FA2H: variants seen among roughly 807,000 people sequenced by gnomAD.
The protein encoded by FA2H is fatty acid alpha-hydroxylase.
In FA2H, 22 loss-of-function variants were observed where a neutral mutation model predicts 44.9. The observed-to-expected ratio is 0.49, with a 90% CI of 0.35 to 0.70. The LOEUF (loss-of-function observed/expected upper bound fraction) is 0.70, where lower values mean the gene tolerates loss of function less well. Ranked by LOEUF, FA2H falls within the 30% of genes least tolerant of loss-of-function variation. The pLI is 0.01. For missense variants in FA2H, 501 were observed against 504.9 expected (o/e 0.99, Z 0.07); for synonymous variants, 243 against 213.2 (o/e 1.14, Z -1.22).
In FA2H at chr16:74,774,620, C is replaced by A; in HGVS notation, c.136G>T (p.Gly46Cys). The change falls in exon 1 of 7, where the codon GGC becomes TGC. Residue 46 changes from glycine (G) to cysteine (C), a missense_variant. Coordinates refer to ENST00000219368, the MANE Select transcript of FA2H (RefSeq NM_024306.5). ...GCCCTGGCCCGCAGCAGCTGCTCGC[C>A]CCCCGGGTGGTGCCGCACGAAGCTG... ...LSSFVRHHPGGEQLLRARAGQ... is the reference protein window; with the variant it reads ...LSSFVRHHPGCEQLLRARAGQ... 6.6e-7 allele frequency: 1 copy of A among 1,517,164 alleles called. No individual in the cohort carries two copies. Among genetic ancestry groups the A allele is most frequent in the East Asian group, 2.7e-5 (1 of 37,450 alleles). 94.0% of individuals were successfully genotyped at this position (1,517,164 alleles called of 1,614,324 possible). A position where few individuals can be genotyped will look rare whatever the true frequency, so the allele number is the denominator to read the frequency against.
intron 5 of FA2H, 111 bp from the exon 6 acceptor site, chr16:74,716,710 T>C: frequency 7.9e-7 from 1 of 1,270,420 alleles, no homozygotes; most frequent in Non-Finnish European, 1.1e-6. Flanking sequence ...GACATTCCAC[T>C]GCGTAGGCTT....
intron 4 of FA2H, among the ~76,000 whole-genome samples, chr16:74,722,101 G>A (rs1210759436): frequency 6.6e-6 from 1 of 152,148 alleles, no homozygotes; most frequent in African/African-American, 2.4e-5. Context: ...GCCCTCAGCC[G>A]CCTCCTCCCA....
rs545499707 is a variant in FA2H at position 74,716,285 on chromosome 16, G to A, written c.1039+62C>T. On this transcript the variant is annotated intron_variant, in intron 6 of 6. Transcript: ENST00000219368. Reference sequence around the variant, plus strand: ...CCTTGCCGTTCCCAGGAGCTCGATGGTAGTTGGCAAATAAATCAATGAACA... The same window carrying A: ...CCTTGCCGTTCCCAGGAGCTCGATGATAGTTGGCAAATAAATCAATGAACA... 2.1e-5 allele frequency: 33 copies of A among 1,587,156 alleles called. No homozygotes were observed. The South Asian group carries it at 3.6e-4, about 18-fold the overall frequency.
chr16:74,727,845 A>G (rs967649073), intron 2 of FA2H, among the ~76,000 whole-genome samples: 23 of 152,242 alleles, frequency 1.5e-4, no homozygotes, highest in Admixed American at 1.2e-3. Flanking sequence ...TACATTTTGT[A>G]TCAGGAATGA....
At chr16:74,758,100 G>A (rs917179885) in intron 1 of FA2H, among the ~76,000 whole-genome samples, 11 of 150,446 alleles carry the variant, frequency 7.3e-5, no homozygotes, top group African/African-American at 2.7e-4. Flanking sequence ...AGGGACTAGA[G>A]TGAGAGGGAA....
chr16:74,725,437 A>C, intron 4 of FA2H, among the ~76,000 whole-genome samples: 1 of 152,142 alleles, frequency 6.6e-6, no homozygotes, highest in South Asian at 2.1e-4. Flanking sequence ...ACTTAAACCC[A>C]CAGTCATCCT....
chr16:74,757,405 G>C (rs1962630258), intron 1 of FA2H, among the ~76,000 whole-genome samples: 1 of 152,136 alleles, frequency 6.6e-6, no homozygotes, highest in East Asian at 1.9e-4. Flanking sequence ...GTTAAAATTG[G>C]TACAACTGTT....
chr16:74,718,946 G>T lies in FA2H; in HGVS notation c.786+42C>A, dbSNP rs768936756. 2.6e-5 allele frequency: 42 copies of T among 1,608,342 alleles called. No individual in the cohort carries two copies. The African/African-American group carries it at 4.5e-4, about 17-fold the overall frequency. On this transcript the variant is annotated intron_variant, in intron 5 of 6. Transcript: ENST00000219368. ...GCGGCTGGCTGCCGGGCCCTCTCGG[G>T]CTGCACATGCTAGGTCCGGGCTGGG...
chr16:74,713,156 T>G lies in FA2H; in HGVS notation c.*1034A>C, dbSNP rs1226500091. ...TTAAGTTTCAAGTAGTAATGGTTTG[T>G]GGGTAAGAAAGGAACCAAAAACAGG... is the stretch of plus-strand genomic sequence containing the variant. On this transcript the variant is annotated 3_prime_UTR_variant, in exon 7 of 7. Transcript: ENST00000219368. The G allele has an allele frequency of 6.6e-6, 1 of 152,644 alleles. No individual in the cohort carries two copies. The highest frequency in any genetic ancestry group is 1.5e-5 in the Non-Finnish European group (1 of 68,036). The allele number at this position is 152,644 out of a possible 1,614,324, so 9.5% of individuals were successfully genotyped here. A position where few individuals can be genotyped will look rare whatever the true frequency, so the allele number is the denominator to read the frequency against.
chr16:74,743,711 G>A (rs993408667), intron 1 of FA2H, among the ~76,000 whole-genome samples: 1 of 152,164 alleles, frequency 6.6e-6, no homozygotes, highest in African/African-American at 2.4e-5. Context: ...CCACCCCAGG[G>A]AGCAATGTCA....
At chr16:74,773,635 T>A (rs147772062) in intron 1 of FA2H, among the ~76,000 whole-genome samples, 49 of 152,194 alleles carry the variant, frequency 3.2e-4, no homozygotes, top group Non-Finnish European at 6.2e-4. Context: ...GTCAGATACA[T>A]GTGGCTTTCC....
chr16:74,768,254 C>G (rs1411637445), intron 1 of FA2H, among the ~76,000 whole-genome samples: 2 of 152,066 alleles, frequency 1.3e-5, no homozygotes. Context: ...AATTTTTGAC[C>G]CTCTTCCCAA....
intron 2 of FA2H, 61 bp from the exon 3 acceptor site, chr16:74,727,447 A>C: frequency 6.4e-7 from 1 of 1,570,670 alleles, no homozygotes. Context: ...TCGTTCTCCC[A>C]TTTCCTCGTT....
intron 2 of FA2H, among the ~76,000 whole-genome samples, chr16:74,729,375 C>T (rs1431546744): frequency 6.6e-6 from 1 of 152,162 alleles, no homozygotes; most frequent in Non-Finnish European, 1.5e-5. Flanking sequence ...CTCCTGGGCT[C>T]AAGCGATCCT....
At position 74,771,778 on chromosome 16, in the gene FA2H, C is replaced by T. The variant is rs530187752; in HGVS notation, c.270+2708G>A. Among the ~76,000 whole-genome samples the T allele has an allele frequency of 3.5e-3, 534 of 152,146 alleles. 3 individuals are homozygous for T. The highest frequency in any genetic ancestry group is 0.012 in the African/African-American group (498 of 41,514). ...TGTCTAGAGACTCTCCCGAATTCAT[C>T]CCCCTTCCCCCCATGGTCACAGCCA... On this transcript the variant is annotated intron_variant, in intron 1 of 6. Transcript: ENST00000219368.
chr16:74,754,544 T>G lies in FA2H; in HGVS notation c.271-14429A>C, dbSNP rs1291072697. On this transcript the variant is annotated intron_variant, in intron 1 of 6. Coordinates refer to ENST00000219368, the MANE Select transcript of FA2H (RefSeq NM_024306.5). ...AGGATTTTTATTTATTTATTTATTT[T>G]TGAGACAGGGTCTGGCTCTGTCACA... Among the ~76,000 whole-genome samples, 7 of 152,200 alleles carry G rather than the reference T, an allele frequency of 4.6e-5. No homozygotes were observed. The East Asian group carries it at 1.2e-3, about 25-fold the overall frequency.
intron 1 of FA2H, among the ~76,000 whole-genome samples, chr16:74,745,799 A>ATTTTT (rs11365398): frequency 3.2e-3 from 231 of 72,450 alleles, no homozygotes; most frequent in African/African-American, 0.011. Context: ...CTGTCAATGG[A>ATTTTT]TTTTTTTTTT....
At chr16:74,728,152 A>G (rs1961996127) in intron 2 of FA2H, among the ~76,000 whole-genome samples, 1 of 152,166 alleles carries the variant, frequency 6.6e-6, no homozygotes, top group Non-Finnish European at 1.5e-5. Context: ...TGTTGGTTGC[A>G]GTAGCTCATG....
At chr16:74,747,572 T>C (rs1242227053) in intron 1 of FA2H, among the ~76,000 whole-genome samples, 1 of 152,026 alleles carries the variant, frequency 6.6e-6, no homozygotes, top group Non-Finnish European at 1.5e-5. Context: ...TAAGATGAGA[T>C]CATTACGGTG....
Sources: allele counts gnomAD v4.1 joint callset (sites outside exome capture counted in the v4.1 genomes callset), GRCh38; gene constraint gnomAD v4.1.1; transcripts MANE v1.5; gene names NCBI Gene and HGNC (gene_info 2026-07-23, HGNC 2026-07-21).